Variants in COPB1 observed in about 807,000 individuals in gnomAD.
COPB1 encodes coat protein complex I subunit beta 1.
In COPB1, 21 loss-of-function variants were observed where a neutral mutation model predicts 108.7. The observed-to-expected ratio is 0.19, with a 90% CI of 0.14 to 0.28. The LOEUF is 0.28. Ranked by LOEUF, COPB1 falls within the 10% of genes least tolerant of loss-of-function variation. The probability of loss-of-function intolerance (pLI) is 1.00; values close to 1 mark genes in which losing one functional copy is unlikely to be tolerated. For missense variants in COPB1, 919 were observed against 1,141.3 expected (o/e 0.81, Z 2.81); for synonymous variants, 378 against 386.8 (o/e 0.98, Z 0.27).
chr11:14,480,816 T>C lies in COPB1; in HGVS notation c.1155A>G (p.Arg385=), dbSNP rs1303667309. The change falls in exon 10 of 22, where the codon CGA becomes CGG. Residue 385 remains arginine (R), a synonymous_variant. Coordinates refer to ENST00000439561, the MANE Select transcript of COPB1 (RefSeq NM_001144061.2). Reference sequence around the variant, plus strand: ...ATCGGACAGAACAGGAATGCAATGTTCGCACTAGGAGTTGTCTGTATTTGT... The same window carrying C: ...ATCGGACAGAACAGGAATGCAATGTCCGCACTAGGAGTTGTCTGTATTTGT... ...DTDKYRQLLV[R]TLHSCSVRFP... 4 of 1,614,012 alleles carry C rather than the reference T, an allele frequency of 2.5e-6. No homozygotes were observed. In the African/African-American group the frequency reaches 5.3e-5, roughly 22 times the overall value.
rs111690449 is a variant in COPB1, at chr11:14,475,618, T to C, written c.1616+167A>G. Among the ~76,000 whole-genome samples, 26 of 152,318 alleles carry C rather than the reference T, an allele frequency of 1.7e-4. 1 individual carries two copies. Among genetic ancestry groups the C allele is most frequent in the African/African-American group, 6.0e-4 (25 of 41,582 alleles). On this transcript the variant is annotated intron_variant, in intron 13 of 21. Coordinates refer to ENST00000439561, the MANE Select transcript of COPB1 (RefSeq NM_001144061.2). ...CAGAGAATTAAAACCATCAATACAA[T>C]TCCTAGGGGGAAGAACTTAAACATC... is the stretch of plus-strand genomic sequence containing the variant.
chr11:14,498,746 G>T, intron 2 of COPB1, 92 bp downstream of exon 2: 2 of 993,208 alleles, frequency 2.0e-6, no homozygotes, highest in Non-Finnish European at 1.4e-6. Flanking sequence ...CAAAAATTAA[G>T]CATTTCTAAT....
chr11:14,477,165 C>A, intron 11 of COPB1, 150 bp from the exon 12 acceptor site: 1 of 569,954 alleles, frequency 1.8e-6, no homozygotes, highest in Non-Finnish European at 3.1e-6. Flanking sequence ...GGGCGGATCA[C>A]GAGGTCAGGA....
At chr11:14,462,901 T>C (rs1204387109) in intron 18 of COPB1, among the ~76,000 whole-genome samples, 6 of 152,174 alleles carry the variant, frequency 3.9e-5, no homozygotes, top group Non-Finnish European at 4.4e-5. Context: ...CTCTTCTTGG[T>C]ACTGCCCCTT....
At chr11:14,476,253 A>G (rs1850517166) in intron 12 of COPB1, among the ~76,000 whole-genome samples, 1 of 152,222 alleles carries the variant, frequency 6.6e-6, no homozygotes, top group African/African-American at 2.4e-5. Context: ...TGCATTGGAC[A>G]GTGTCTAACA....
Position 14,457,812 on chromosome 11 carries a change from TTTTG to T in COPB1, c.*8_*11del, listed in dbSNP as rs757674503. On this transcript the variant is annotated 3_prime_UTR_variant, in exon 22 of 22. Transcript: ENST00000439561. ...AATTAACTGTAAAGCTTCAAGGACTTTTTGTTTATTTTTATATACTAGTTTTCTT... is the reference window on the plus strand; with the variant it reads ...AATTAACTGTAAAGCTTCAAGGACTTTTTATTTTTATATACTAGTTTTCTT... The T allele has an allele frequency of 8.4e-6, 13 of 1,546,106 alleles. No homozygotes were observed. Among genetic ancestry groups the T allele is most frequent in the African/African-American group, 1.4e-5 (1 of 73,426 alleles).
chr11:14,488,295 A>G (rs1850821420), intron 6 of COPB1, among the ~76,000 whole-genome samples, 197 bp downstream of exon 6: 1 of 152,220 alleles, frequency 6.6e-6, no homozygotes, highest in Non-Finnish European at 1.5e-5. Flanking sequence ...AGGTTTAGAA[A>G]GGATATAAGC....
intron 20 of COPB1, among the ~76,000 whole-genome samples, chr11:14,459,005 T>G (rs941893711): frequency 6.6e-6 from 1 of 152,152 alleles, no homozygotes; most frequent in African/African-American, 2.4e-5. Flanking sequence ...TGACCTCAAG[T>G]GATCCACCCG....
At chr11:14,466,171 T>C in intron 17 of COPB1, 111 bp downstream of exon 17, 2 of 1,048,022 alleles carry the variant, frequency 1.9e-6, no homozygotes, top group South Asian at 2.2e-5. Context: ...TGATTCAAAA[T>C]GTCAGAAAAG....
At chr11:14,480,393 A>T (rs949187486) in intron 10 of COPB1, among the ~76,000 whole-genome samples, 40 of 152,204 alleles carry the variant, frequency 2.6e-4, no homozygotes, top group Non-Finnish European at 1.3e-4. Flanking sequence ...AATATTCTAC[A>T]TATGTGAATT....
At chr11:14,494,670 A>G in intron 2 of COPB1, 1 of 394,186 alleles carries the variant, frequency 2.5e-6, no homozygotes, top group Non-Finnish European at 4.5e-6. Flanking sequence ...TATAATATGA[A>G]GGCGCTGGAT....
At chr11:14,472,910 G>T (rs565285967) in intron 14 of COPB1, among the ~76,000 whole-genome samples, 37 of 152,260 alleles carry the variant, frequency 2.4e-4, no homozygotes, top group African/African-American at 8.4e-4. Flanking sequence ...TCTTGTGGCT[G>T]GTTTTATCTT....
chr11:14,482,031 A>T (rs1850672246), intron 8 of COPB1, among the ~76,000 whole-genome samples: 1 of 152,070 alleles, frequency 6.6e-6, no homozygotes, highest in Non-Finnish European at 1.5e-5. Context: ...ACCTCAGGTG[A>T]TCCACCTGCC....
chr11:14,494,739 C>T (rs1353689633), intron 2 of COPB1: 1 of 253,432 alleles, frequency 3.9e-6, no homozygotes, highest in Admixed American at 5.1e-5. Flanking sequence ...TACAGTCATA[C>T]CAAGTAAACG....
At chr11:14,471,757 A>G (rs565787786) in intron 14 of COPB1, among the ~76,000 whole-genome samples, 65 of 152,188 alleles carry the variant, frequency 4.3e-4, no homozygotes, top group African/African-American at 1.5e-3. Flanking sequence ...AGTCTCTACT[A>G]AAAATACAAA....
chr11:14,479,789 T>A, intron 10 of COPB1, 75 bp from the exon 11 acceptor site: 1 of 1,360,374 alleles, frequency 7.4e-7, no homozygotes, highest in Admixed American at 2.5e-5. Context: ...AAGAAATAAA[T>A]TAAAAGAATG....
In COPB1 at chr11:14,480,501, G is replaced by C. The variant is rs1850637541; in HGVS notation, c.1212+258C>G. On this transcript the variant is annotated intron_variant, in intron 10 of 21. Transcript: ENST00000439561. ...ATATACACAGCATAATTTTACTTTA[G>C]GTAACTGTATCATCAATTAAAATAA... Among the ~76,000 whole-genome samples the C allele has an allele frequency of 2.6e-5, 4 of 151,970 alleles. No individual in the cohort carries two copies. In the South Asian group the frequency reaches 8.3e-4, roughly 32 times the overall value.
chr11:14,480,668 C>A, intron 10 of COPB1, 91 bp downstream of exon 10: 2 of 1,233,976 alleles, frequency 1.6e-6, no homozygotes, highest in Non-Finnish European at 1.1e-6. Flanking sequence ...TGGTTCTAGG[C>A]AGCTGAGATT....
intron 4 of COPB1, 26 bp downstream of exon 4, chr11:14,493,616 G>A (rs1850957511): frequency 2.6e-6 from 4 of 1,562,476 alleles, no homozygotes; most frequent in Non-Finnish European, 2.6e-6. Flanking sequence ...CTCACAGAAT[G>A]AAGCCAAAGC....
Sources: allele counts gnomAD v4.1 joint callset (sites outside exome capture counted in the v4.1 genomes callset), GRCh38; gene constraint gnomAD v4.1.1; transcripts MANE v1.5; gene names NCBI Gene and HGNC (gene_info 2026-07-23, HGNC 2026-07-21).